LINGO1: variants seen among roughly 807,000 people sequenced by gnomAD.
The protein encoded by LINGO1 is leucine-rich repeat and immunoglobulin-like domain-containing nogo receptor-interacting protein 1.
A neutral mutation model predicts 37.3 loss-of-function variants in LINGO1; 11 were observed. The ratio of observed to expected loss-of-function variants is 0.29; its 90% confidence interval spans 0.19 to 0.49. LINGO1 has a LOEUF of 0.49. Among genes scored for constraint, LINGO1 ranks in the 20% least tolerant of loss-of-function variants. LINGO1 has a pLI of 0.99. For synonymous variants in LINGO1, 387 were observed against 403.0 expected, an observed-to-expected ratio of 0.96 and a Z score of 0.48; for missense variants, 585 against 878.2, an observed-to-expected ratio of 0.67 and a Z score of 4.22.
At chr15:77,700,472 C>A (rs2075768325), upstream of LINGO1, among the ~76,000 whole-genome samples, 1 of 152,150 alleles carries the variant, frequency 6.6e-6, no homozygotes, top group African/African-American at 2.4e-5. Flanking sequence ...GCGTTTCGGG[C>A]ACATACCCTG....
chr15:77,792,206 C>T (rs1007770664), intron 2 of LINGO1, among the ~76,000 whole-genome samples: 22 of 152,316 alleles, frequency 1.4e-4, no homozygotes, highest in African/African-American at 3.8e-4. Flanking sequence ...GCTCCAGTGC[C>T]CGCCCCATTC....
chr15:77,790,437 T>C (rs2076809466), upstream of LINGO1, among the ~76,000 whole-genome samples: 1 of 152,178 alleles, frequency 6.6e-6, no homozygotes, highest in Admixed American at 6.5e-5. Context: ...TCGACACCTG[T>C]AGCGATGGCT....
intron 2 of LINGO1, among the ~76,000 whole-genome samples, chr15:77,723,001 C>T (rs755090821): frequency 1.3e-5 from 2 of 152,178 alleles, no homozygotes; most frequent in Admixed American, 6.5e-5. Flanking sequence ...ACAGACAGGT[C>T]GGGGGCCCTC....
At chr15:77,651,112 C>G (rs546919737) in intron 3 of LINGO1, among the ~76,000 whole-genome samples, 2 of 152,234 alleles carry the variant, frequency 1.3e-5, no homozygotes, top group Admixed American at 1.3e-4. Flanking sequence ...CAGGCAGAGG[C>G]CACTTTTGGT....
At position 77,755,115 on chromosome 15, in the gene LINGO1, G is replaced by A. The variant is rs1267889391; in HGVS notation, c.-256-20062C>T. Among the ~76,000 whole-genome samples the A allele has an allele frequency of 3.9e-5, 6 of 152,202 alleles. No homozygotes were observed. In the South Asian group the frequency reaches 1.2e-3, roughly 32 times the overall value. On this transcript the variant is annotated intron_variant, in intron 1 of 3. Transcript: ENST00000561686. The stretch of plus-strand genomic sequence containing the variant: ...GCCCTCCTACTAGGACCAGACTGGA[G>A]CACAGCCAGGTCCCCACTCAGTTCG...
intron 1 of LINGO1, among the ~76,000 whole-genome samples, chr15:77,751,793 C>T (rs940035026): frequency 6.6e-6 from 1 of 152,238 alleles, no homozygotes; most frequent in African/African-American, 2.4e-5. Context: ...CTTCTACGGG[C>T]TCAGACGGGT....
intron 2 of LINGO1, among the ~76,000 whole-genome samples, chr15:77,689,594 T>C (rs891187651): frequency 6.6e-6 from 1 of 152,124 alleles, no homozygotes; most frequent in African/African-American, 2.4e-5. Flanking sequence ...AAGCCCGACC[T>C]CCATGTGGGG....
intron 2 of LINGO1, among the ~76,000 whole-genome samples, chr15:77,732,638 G>A (rs1267350327): frequency 1.3e-5 from 2 of 152,190 alleles, no homozygotes; most frequent in African/African-American, 2.4e-5. Flanking sequence ...ATGGGTGCTC[G>A]AGTGTGGCTT....
chr15:77,815,102 C>T (rs2077036661), intron 1 of LINGO1, among the ~76,000 whole-genome samples: 2 of 152,248 alleles, frequency 1.3e-5, no homozygotes, highest in Admixed American at 1.3e-4. Flanking sequence ...TTAGCCTCCT[C>T]TCGCCCTGAC....
intron 3 of LINGO1, chr15:77,666,922 T>C (rs2075142634): frequency 6.6e-6 from 1 of 152,152 alleles, no homozygotes; most frequent in African/African-American, 2.4e-5. Flanking sequence ...GAACTCAGCC[T>C]CTCTGAATGA....
At chr15:77,811,071 C>T (rs1482137158) in intron 1 of LINGO1, among the ~76,000 whole-genome samples, 2 of 150,976 alleles carry the variant, frequency 1.3e-5, no homozygotes, top group African/African-American at 2.4e-5. Flanking sequence ...CCCAACACCC[C>T]CCCACCCCAA....
At chr15:77,707,190 G>C (rs1348194964) in intron 2 of LINGO1, among the ~76,000 whole-genome samples, 3 of 152,234 alleles carry the variant, frequency 2.0e-5, no homozygotes, top group Non-Finnish European at 4.4e-5. Flanking sequence ...AGGAGAGAGA[G>C]AGGGAGAAGA....
At position 77,739,003 on chromosome 15, in the gene LINGO1, G is replaced by A. The variant is rs571687987; in HGVS notation, c.-256-3950C>T. Among the ~76,000 whole-genome samples the A allele has an allele frequency of 5.3e-5, 8 of 152,380 alleles. No individual in the cohort carries two copies. The South Asian group carries it at 1.4e-3, about 28-fold the overall frequency. The stretch of plus-strand genomic sequence containing the variant: ...AGGTCCGGCCAGCTGGCGCAGCAGC[G>A]CACACTGCACAGCAGTGGGGCCCCA... On this transcript the variant is annotated intron_variant, in intron 1 of 3. Coordinates refer to the LINGO1 transcript ENST00000561686.
At chr15:77,791,883 CA>C (rs1409587121), upstream of LINGO1, among the ~76,000 whole-genome samples, 5 of 152,070 alleles carry the variant, frequency 3.3e-5, no homozygotes, top group Non-Finnish European at 1.5e-5. Context: ...GCTGGTAAAT[CA>C]GGGGACCTTG....
chr15:77,626,223 A>G (rs919196326), intron 1 of LINGO1, among the ~76,000 whole-genome samples: 1 of 152,100 alleles, frequency 6.6e-6, no homozygotes, highest in African/African-American at 2.4e-5. Context: ...AACATCATAC[A>G]AGGGTCACAT....
rs542034623 is a variant in LINGO1, at chr15:77,718,512, C to T, written c.-195+16480G>A. Among the ~76,000 whole-genome samples, 28 of 151,040 alleles carry T rather than the reference C, an allele frequency of 1.9e-4. 2 individuals are homozygous for T. Among genetic ancestry groups the T allele is most frequent in the African/African-American group, 5.8e-4 (24 of 41,520 alleles). ...TATGTATTGCGTGCCTACACATGTA[C>T]AGACTCACACATCCACGCATATTTG... On this transcript the variant is annotated intron_variant, in intron 2 of 3. Transcript: ENST00000561686.
intron 1 of LINGO1, among the ~76,000 whole-genome samples, chr15:77,630,448 G>A (rs916498499): frequency 6.6e-6 from 1 of 152,140 alleles, no homozygotes; most frequent in Admixed American, 6.5e-5. Context: ...GGGTTGGGGT[G>A]GGGGAGGTGT....
chr15:77,685,168 G>A (rs2075485322), intron 2 of LINGO1, among the ~76,000 whole-genome samples: 1 of 135,018 alleles, frequency 7.4e-6, no homozygotes, highest in Non-Finnish European at 1.6e-5. Flanking sequence ...GGGTGGGTGG[G>A]TATGCTAGAG....
Position 77,614,806 on chromosome 15 carries a change from G to A in LINGO1, c.1101C>T (p.Asp367=). The A allele has an allele frequency of 6.2e-7, 1 of 1,611,150 alleles. No individual in the cohort carries two copies. Among genetic ancestry groups the A allele is most frequent in the East Asian group, 2.2e-5 (1 of 44,736 alleles). The change falls in exon 2 of 2, where the codon GAC becomes GAT. Residue 367 remains aspartate (D), a synonymous_variant. Coordinates refer to ENST00000355300, the MANE Select transcript of LINGO1 (RefSeq NM_032808.7). The part of the protein sequence containing the change: ...SVGNLETLIL[D]SNPLACDCRL... ...GACAGTCGCAGGCCAGCGGGTTGGAGTCCAGGATGAGTGTCTCCAGGTTGC... is the reference window on the plus strand; with the variant it reads ...GACAGTCGCAGGCCAGCGGGTTGGAATCCAGGATGAGTGTCTCCAGGTTGC...
Sources: allele counts gnomAD v4.1 joint callset (sites outside exome capture counted in the v4.1 genomes callset), GRCh38; gene constraint gnomAD v4.1.1; transcripts MANE v1.5; gene names NCBI Gene and HGNC (gene_info 2026-07-23, HGNC 2026-07-21).